Variants in ABCA3 observed in about 807,000 individuals in gnomAD.
ABCA3 encodes ATP binding cassette subfamily A member 3.
In ABCA3, 88 loss-of-function variants were observed where a neutral mutation model predicts 172.8. The observed-to-expected ratio is 0.51, with a 90% CI of 0.43 to 0.61. The LOEUF (loss-of-function observed/expected upper bound fraction) is 0.61, where lower values mean the gene tolerates loss of function less well. ABCA3 is among the 20% of genes least tolerant of loss of function. The pLI is 0.00. For missense variants in ABCA3, 2,164 were observed against 2,301.0 expected, an observed-to-expected ratio of 0.94 and a Z score of 1.22; for synonymous variants, 1,066 against 983.8, an observed-to-expected ratio of 1.08 and a Z score of -1.56.
At position 2,295,606 on chromosome 16, in the gene ABCA3, T is replaced by C. The variant is rs2093678518; in HGVS notation, c.2398A>G (p.Arg800Gly). The C allele has an allele frequency of 6.2e-6, 10 of 1,613,656 alleles. No individual in the cohort carries two copies. The highest frequency in any genetic ancestry group is 1.7e-5 in the Admixed American group (1 of 60,034). ...GAGGCGTACCTGTGCGTGCTCTCTC[T>C]GGGAAGGATGAAAGACAGCTCGGCC... ...AGAELSFILP[R>G]ESTHRFEGLF... The change falls in exon 18 of 33, where the codon AGA becomes GGA. Residue 800 changes from arginine (R) to glycine (G), a missense_variant. Around this residue, in one of 3 missense-constraint regions of ABCA3, gnomAD observed 1,343 missense variants for 1,369.6 expected, o/e 0.98. Transcript: ENST00000301732.
In ABCA3 at chr16:2,297,398, G is replaced by A. The variant is rs1373921531; in HGVS notation, c.2194C>T (p.Arg732Cys). The A allele has an allele frequency of 3.7e-6, 6 of 1,613,382 alleles. No individual in the cohort carries two copies. The highest frequency in any genetic ancestry group is 5.1e-6 in the Non-Finnish European group (6 of 1,179,992). Residue 732 changes from arginine (R) to cysteine (C), a missense_variant, in exon 17 of 33, where the codon CGC (arginine) becomes TGC (cysteine). By Grantham distance (180) the Arg-to-Cys change is radical (BLOSUM62 -3). Around this residue, in one of 3 missense-constraint regions of ABCA3, gnomAD observed 1,343 missense variants for 1,369.6 expected, o/e 0.98. Transcript: ENST00000301732. The surrounding 1 kb of genome is among the most constrained non-coding windows in gnomAD (Gnocchi z 5.6). ...TCCCCCTTGGCCATGATGGCGATGC[G>A]GTCTCCCAGCAGGTCAGCCTCGTCC... is the stretch of plus-strand genomic sequence containing the variant. The part of the protein sequence containing the change: ...FMDEADLLGD[R>C]IAIMAKGELQ...
Position 2,313,842 on chromosome 16 carries a change from C to T in ABCA3, c.1111+3441G>A, listed in dbSNP as rs113165001. The stretch of plus-strand genomic sequence containing the variant: ...CCCAGAAGGCGGAGGTTGCAGTGAG[C>T]CAATTGTGCCACTACACTTAGCCTG... On this transcript the variant is annotated intron_variant, in intron 10 of 32. Coordinates refer to ENST00000301732, the MANE Select transcript of ABCA3 (RefSeq NM_001089.3). Among the ~76,000 whole-genome samples the T allele has an allele frequency of 6.6e-3, 993 of 151,342 alleles. 8 individuals carry two copies. The highest frequency in any genetic ancestry group is 0.023 in the African/African-American group (944 of 41,200).
chr16:2,305,537 C>T (rs989678408), intron 11 of ABCA3, among the ~76,000 whole-genome samples: 6 of 151,980 alleles, frequency 3.9e-5, no homozygotes, highest in Admixed American at 1.3e-4. Context: ...CCCCATGACC[C>T]GCCCACCTCA....
At position 2,276,239 on chromosome 16, in the gene ABCA3, T is replaced by A; in HGVS notation, c.*435A>T. On this transcript the variant is annotated 3_prime_UTR_variant, in exon 33 of 33. Coordinates refer to ENST00000301732, the MANE Select transcript of ABCA3 (RefSeq NM_001089.3). ...GTCCATTCCTGGCGGCCTGGGGGCC[T>A]CGCTACAGTTCAACCTGGCTGGCTT... is the stretch of plus-strand genomic sequence containing the variant. 1 of 451,258 alleles carries A rather than the reference T, an allele frequency of 2.2e-6. No homozygotes were observed. The highest frequency in any genetic ancestry group is 1.6e-5 in the South Asian group (1 of 63,802). 28.0% of individuals were successfully genotyped at this position (451,258 alleles called of 1,614,324 possible).
intron 10 of ABCA3, among the ~76,000 whole-genome samples, chr16:2,312,459 G>A (rs1162987496): frequency 6.6e-6 from 1 of 151,750 alleles, no homozygotes; most frequent in Non-Finnish European, 1.5e-5. Flanking sequence ...GTATATTTGA[G>A]AGTCGAGATT....
chr16:2,312,304 G>A (rs138525473), intron 10 of ABCA3, among the ~76,000 whole-genome samples: 2 of 152,208 alleles, frequency 1.3e-5, no homozygotes, highest in Non-Finnish European at 2.9e-5. Context: ...GCTCCTTCAA[G>A]CAAAAATGGT....
intron 18 of ABCA3, among the ~76,000 whole-genome samples, chr16:2,294,327 C>T (rs767865169): frequency 2.2e-4 from 33 of 151,950 alleles, no homozygotes; most frequent in Non-Finnish European, 4.1e-4. Context: ...TGCACAGCTG[C>T]GAAACACTTT....
At chr16:2,296,892 C>G (rs1006179973) in intron 17 of ABCA3, among the ~76,000 whole-genome samples, 1 of 152,184 alleles carries the variant, frequency 6.6e-6, no homozygotes, top group African/African-American at 2.4e-5. Flanking sequence ...ACACCCAGAT[C>G]GTGCTGGACC....
At chr16:2,323,943 G>A (rs570970391) in intron 6 of ABCA3, among the ~76,000 whole-genome samples, 1 of 152,294 alleles carries the variant, frequency 6.6e-6, no homozygotes, top group East Asian at 1.9e-4. Flanking sequence ...GTGCCACCGA[G>A]TGTTCAGGAT....
In ABCA3 at chr16:2,287,734, G is replaced by A. The variant is rs1313917296; in HGVS notation, c.3004+292C>T. On this transcript the variant is annotated intron_variant, in intron 21 of 32. Transcript: ENST00000301732. The surrounding 1 kb of genome is among the most constrained non-coding windows in gnomAD (Gnocchi z 4.1). ...AAAGACACAGCTTCAGTAAAAAGACGCCTGACAAAGCCTGGCCCCAGGATG... is the reference window on the plus strand; with the variant it reads ...AAAGACACAGCTTCAGTAAAAAGACACCTGACAAAGCCTGGCCCCAGGATG... 6.6e-6 allele frequency among the ~76,000 whole-genome samples: 1 copy of A among 152,200 alleles called. No homozygotes were observed. Among genetic ancestry groups the A allele is most frequent in the Non-Finnish European group, 1.5e-5 (1 of 68,032 alleles).
chr16:2,317,945 C>CGAGGTAAG (rs2093719114), intron 8 of ABCA3, among the ~76,000 whole-genome samples, 181 bp from the exon 9 acceptor site: 1 of 152,248 alleles, frequency 6.6e-6, no homozygotes, highest in Admixed American at 6.5e-5. Flanking sequence ...ATCTGCCTGC[C>CGAGGTAAG]TCAGCCTCCC....
In ABCA3 at chr16:2,303,946, A is replaced by C. The variant is rs992388198; in HGVS notation, c.1467+23T>G. On this transcript the variant is annotated intron_variant, in intron 12 of 32. Transcript: ENST00000301732. Reference sequence around the variant, plus strand: ...TCTGCACTCAGAGAGGCGGCGGCTCAAGAGCAGGGCATCAGAACTCACCAT... The same window carrying C: ...TCTGCACTCAGAGAGGCGGCGGCTCCAGAGCAGGGCATCAGAACTCACCAT... 5.0e-6 allele frequency: 8 copies of C among 1,613,738 alleles called. No individual in the cohort carries two copies. In the Admixed American group the frequency reaches 6.7e-5, roughly 13 times the overall value.
chr16:2,326,149 C>G lies in ABCA3; in HGVS notation c.180G>C (p.Gln60His). The G allele has an allele frequency of 1.7e-5, 27 of 1,614,164 alleles. No homozygotes were observed. Among genetic ancestry groups the G allele is most frequent in the Non-Finnish European group, 2.2e-5 (26 of 1,180,046 alleles). The change falls in exon 5 of 33, where the codon CAG becomes CAC. Residue 60 changes from glutamine to histidine, a missense_variant. Physicochemically the swap from Gln to His is conservative, Grantham distance 24 (BLOSUM62 0). Around this residue, in one of 3 missense-constraint regions of ABCA3, gnomAD observed 1,343 missense variants for 1,369.6 expected, o/e 0.98. Transcript: ENST00000301732. ...AGAACAGAGGCAGCTCCTGGATGGA[C>G]TGGCCCGGGTAGATGGTGGCGTTGG... ...NVPNATIYPGQSIQELPLFFT... is the reference protein window; with the variant it reads ...NVPNATIYPGHSIQELPLFFT...
Position 2,277,835 on chromosome 16 carries a change from G to C in ABCA3, c.4909+44C>G. 6.2e-7 allele frequency: 1 copy of C among 1,605,596 alleles called. No individual in the cohort carries two copies. Among genetic ancestry groups the C allele is most frequent in the Non-Finnish European group, 8.5e-7 (1 of 1,178,372 alleles). ...AGCAGATGGGAGAGGCCTAGGTAGG[G>C]GCCCAGGGCCCACCCAGTGGGGGCT... is the stretch of plus-strand genomic sequence containing the variant. On this transcript the variant is annotated intron_variant, in intron 31 of 32. Transcript: ENST00000301732. This position sits in a 1 kb window ranked among gnomAD's most constrained non-coding sequence, Gnocchi z 5.3.
intron 17 of ABCA3, among the ~76,000 whole-genome samples, chr16:2,296,243 T>C (rs1170867560): frequency 6.6e-6 from 1 of 152,032 alleles, no homozygotes; most frequent in African/African-American, 2.4e-5. Flanking sequence ...TCCTTTTTTT[T>C]TTTTTTGAGA....
chr16:2,277,801 G>T lies in ABCA3; in HGVS notation c.4909+78C>A. 5 of 1,594,640 alleles carry T rather than the reference G, an allele frequency of 3.1e-6. No homozygotes were observed. Among genetic ancestry groups the T allele is most frequent in the Non-Finnish European group, 4.3e-6 (5 of 1,170,722 alleles). The stretch of plus-strand genomic sequence containing the variant: ...GGACTTGGCGGGGCGAGGCACAGAC[G>T]CTCCGCACAGCAGATGGGAGAGGCC... On this transcript the variant is annotated intron_variant, in intron 31 of 32. Coordinates refer to ENST00000301732, the MANE Select transcript of ABCA3 (RefSeq NM_001089.3). The surrounding 1 kb of genome is among the most constrained non-coding windows in gnomAD (Gnocchi z 5.3).
At position 2,295,695 on chromosome 16, in the gene ABCA3, G is replaced by A. The variant is rs143929832; in HGVS notation, c.2309C>T (p.Pro770Leu). ...GTGGACCAGCTGGGAGATGTCTTCC[G>A]GGTTGCAGTGCGGCTCCTTCACCAG... is the stretch of plus-strand genomic sequence containing the variant. Reference protein sequence around the residue: ...MTLVKEPHCNPEDISQLVHHH... With the variant: ...MTLVKEPHCNLEDISQLVHHH... The change falls in exon 18 of 33, where the codon CCG becomes CTG. Residue 770 changes from proline (P) to leucine (L), a missense_variant. Pro to Leu is a moderately conservative substitution (Grantham distance 98, BLOSUM62 -3). Transcript: ENST00000301732. 3,476 of 1,614,070 alleles carry A rather than the reference G, an allele frequency of 2.2e-3. 3 individuals carry two copies. The highest frequency in any genetic ancestry group is 2.7e-3 in the Non-Finnish European group (3,208 of 1,180,044).
At chr16:2,334,614 T>C (rs1396197398) in intron 1 of ABCA3, among the ~76,000 whole-genome samples, 2 of 150,334 alleles carry the variant, frequency 1.3e-5, no homozygotes, top group South Asian at 2.1e-4. Context: ...CAGGTTCAAG[T>C]AAGTGATTCT....
In ABCA3 at chr16:2,281,267, A is replaced by G. The variant is rs1268321286; in HGVS notation, c.4165-46T>C. Reference sequence around the variant, plus strand: ...ACACGGAATGCGGAGGCCTGGACGCAAAGCAGAGCAGTCTGAGCCTCAGCG... The same window carrying G: ...ACACGGAATGCGGAGGCCTGGACGCGAAGCAGAGCAGTCTGAGCCTCAGCG... On this transcript the variant is annotated intron_variant, in intron 27 of 32. Coordinates refer to ENST00000301732, the MANE Select transcript of ABCA3 (RefSeq NM_001089.3). This position sits in a 1 kb window ranked among gnomAD's most constrained non-coding sequence, Gnocchi z 4.7. 4 of 1,613,110 alleles carry G rather than the reference A, an allele frequency of 2.5e-6. No individual in the cohort carries two copies. Among genetic ancestry groups the G allele is most frequent in the African/African-American group, 1.3e-5 (1 of 74,928 alleles).
Sources: gnomAD v4.1 joint callset for allele counts (sites outside exome capture counted in the v4.1 genomes callset) on GRCh38, gnomAD v4.1.1 for gene constraint, gnomAD v4.1.1 regional missense constraint, Gnocchi (gnomAD v3.1) non-coding constraint, MANE v1.5 for transcripts, NCBI Gene and HGNC (gene_info 2026-07-23, HGNC 2026-07-21) for gene names.